Variants in UPP1 observed in about 807,000 individuals in gnomAD.
UPP1 encodes the protein UPase 1.
A neutral mutation model predicts 29.6 loss-of-function variants in UPP1; 25 were observed. The observed-to-expected ratio is 0.85, with a 90% CI of 0.62 to 1.18. UPP1 has a LOEUF of 1.18. Among genes scored for constraint, UPP1 ranks in the 50% most tolerant of loss-of-function variants. The probability of loss-of-function intolerance (pLI) is 0.00; values close to 1 mark genes in which losing one functional copy is unlikely to be tolerated. For missense variants in UPP1, 368 were observed against 410.4 expected (o/e 0.90, Z 0.89); for synonymous variants, 165 against 159.8 (o/e 1.03, Z -0.25).
chr7:48,107,422 G>A lies in UPP1; in HGVS notation c.708G>A (p.Leu236=), dbSNP rs369862382. Residue 236 remains leucine, a synonymous_variant, in exon 8 of 9, where the codon CTG becomes CTA. Coordinates refer to ENST00000395564, the MANE Select transcript of UPP1 (RefSeq NM_003364.4). ...SYTEKDKQAY[L]EAAYAAGVRN... ...CGGAGAAGGACAAGCAGGCGTATCT[G>A]GAGGCAGCCTATGCAGCCGGCGTCC... 1 of 1,614,214 alleles carries A rather than the reference G, an allele frequency of 6.2e-7. No individual in the cohort carries two copies. The highest frequency in any genetic ancestry group is 2.2e-5 in the East Asian group (1 of 44,878).
chr7:48,096,759 G>A (rs1330487346), intron 3 of UPP1, among the ~76,000 whole-genome samples: 1 of 152,170 alleles, frequency 6.6e-6, no homozygotes, highest in Non-Finnish European at 1.5e-5. Context: ...GAGTGCCGAG[G>A]TGTGATCTCA....
At chr7:48,093,266 G>C (rs1338205378) in intron 2 of UPP1, among the ~76,000 whole-genome samples, 1 of 152,140 alleles carries the variant, frequency 6.6e-6, no homozygotes, top group African/African-American at 2.4e-5. Flanking sequence ...ACTATATTAT[G>C]GTAATAATAA....
At chr7:48,094,256 GTT>G (rs1179977112) in intron 2 of UPP1, among the ~76,000 whole-genome samples, 1 of 151,892 alleles carries the variant, frequency 6.6e-6, no homozygotes, top group Non-Finnish European at 1.5e-5. Flanking sequence ...TTTTTGTTTT[GTT>G]TTGTTTTGTT....
At chr7:48,091,478 A>G (rs1429644395) in intron 2 of UPP1, among the ~76,000 whole-genome samples, 1 of 152,234 alleles carries the variant, frequency 6.6e-6, no homozygotes, top group African/African-American at 2.4e-5. Flanking sequence ...AGCGAAGAGC[A>G]TGGCTTTCTA....
Position 48,101,914 on chromosome 7 carries a change from T to C in UPP1, c.253T>C (p.Tyr85His). Residue 85 changes from tyrosine to histidine, a missense_variant, in exon 5 of 9, where the codon TAT becomes CAT. Coordinates refer to ENST00000395564, the MANE Select transcript of UPP1 (RefSeq NM_003364.4). The part of the protein sequence containing the change: ...ELGLDCPGRD[Y>H]PNICAGTDRY... ...GGGCCTTGACTGCCCAGGTAGAGAC[T>C]ATCCCAACATCTGTGCGGGAACTGA... 6.2e-7 allele frequency: 1 copy of C among 1,614,096 alleles called. No individual in the cohort carries two copies.
At chr7:48,102,719 C>G (rs561864421) in intron 5 of UPP1, among the ~76,000 whole-genome samples, 7 of 152,266 alleles carry the variant, frequency 4.6e-5, no homozygotes, top group Non-Finnish European at 8.8e-5. Flanking sequence ...GTGCTGAGTT[C>G]ATCCGGGGAG....
At chr7:48,090,629 C>A (rs1324781238) in intron 2 of UPP1, among the ~76,000 whole-genome samples, 1 of 152,298 alleles carries the variant, frequency 6.6e-6, no homozygotes, top group Non-Finnish European at 1.5e-5. Flanking sequence ...TTGTGACTTC[C>A]TTGAATAGAA....
intron 2 of UPP1, among the ~76,000 whole-genome samples, chr7:48,091,961 T>C (rs1791862601): frequency 6.6e-6 from 1 of 152,132 alleles, no homozygotes; most frequent in Non-Finnish European, 1.5e-5. Flanking sequence ...GGAAGTTCTG[T>C]CTTTGGCTTG....
intron 6 of UPP1, chr7:48,104,052 T>A: frequency 2.2e-6 from 1 of 457,552 alleles, no homozygotes; most frequent in Non-Finnish European, 3.5e-6. Context: ...ACCCCGTCTC[T>A]ACTAAAATAC....
chr7:48,089,001 T>C (rs1041278810), upstream of UPP1: 4 of 152,036 alleles, frequency 2.6e-5, no homozygotes, highest in Non-Finnish European at 5.9e-5. Flanking sequence ...ATTGCCCAGC[T>C]GCTCTGCAGA....
At chr7:48,093,056 C>T (rs1307306172) in intron 2 of UPP1, among the ~76,000 whole-genome samples, 1 of 152,056 alleles carries the variant, frequency 6.6e-6, no homozygotes, top group African/African-American at 2.4e-5. Flanking sequence ...AAAAAATCAA[C>T]AACACCACAC....
Position 48,093,048 on chromosome 7 carries a change from A to G in UPP1, c.-21-1715A>G, listed in dbSNP as rs138951103. Among the ~76,000 whole-genome samples the G allele has an allele frequency of 3.2e-3, 481 of 152,280 alleles. 4 individuals are homozygous for G. The highest frequency in any genetic ancestry group is 0.011 in the African/African-American group (443 of 41,558). ...AAGAATAAAGTGTTGAATTAAAAAA[A>G]AAATCAACAACACCACACCTTATTC... On this transcript the variant is annotated intron_variant, in intron 2 of 8. Transcript: ENST00000395564.
At chr7:48,104,174 C>T (rs1294657951) in intron 6 of UPP1, among the ~76,000 whole-genome samples, 2 of 152,022 alleles carry the variant, frequency 1.3e-5, no homozygotes, top group African/African-American at 2.4e-5. Flanking sequence ...GCCAACATCG[C>T]GCCACTGCAC....
chr7:48,108,219 G>A lies in UPP1; in HGVS notation c.795G>A (p.Ala265=), dbSNP rs746789989. Residue 265 remains alanine, a splice_region_variant and synonymous_variant, in exon 9 of 9, where the codon GCG becomes GCA. Transcript: ENST00000395564. Reference sequence around the variant, plus strand: ...TGATGTGGTCTTTGTCCTTTGCAGCGGCCGTGGTGTGTGTCACCCTCCTGA... The same window carrying A: ...TGATGTGGTCTTTGTCCTTTGCAGCAGCCGTGGTGTGTGTCACCCTCCTGA... ...AAMCSACGLQ[A]AVVCVTLLNR... 24 of 1,612,052 alleles carry A rather than the reference G, an allele frequency of 1.5e-5. 1 individual carries two copies. Among genetic ancestry groups the A allele is most frequent in the East Asian group, 4.5e-5 (2 of 44,854 alleles).
At position 48,107,203 on chromosome 7, in the gene UPP1, C is replaced by G. The variant is rs190836755; in HGVS notation, c.646+121C>G. On this transcript the variant is annotated intron_variant, in intron 7 of 8. Coordinates refer to ENST00000395564, the MANE Select transcript of UPP1 (RefSeq NM_003364.4). ...CCAGGCTGCTGTCTCAGTTACACTT[C>G]GCCCAGAGTGGTTATAATGACCCGT... 2.1e-6 allele frequency: 3 copies of G among 1,422,034 alleles called. No homozygotes were observed. In the East Asian group the frequency reaches 7.1e-5, roughly 34 times the overall value. 88.1% of individuals were successfully genotyped at this position (1,422,034 alleles called of 1,614,324 possible).
chr7:48,091,686 T>C (rs57314455), intron 2 of UPP1, among the ~76,000 whole-genome samples: 10,291 of 152,194 alleles, frequency 0.068, 373 homozygotes, highest in East Asian at 0.14. Context: ...AAATAGACCC[T>C]CCCTGAGTGC....
chr7:48,106,036 T>G (rs143083762), intron 6 of UPP1: 1 of 152,346 alleles, frequency 6.6e-6, no homozygotes, highest in East Asian at 1.9e-4. Flanking sequence ...TAATAATGCA[T>G]CAATCTGAGA....
At chr7:48,092,194 G>GT (rs1443449943) in intron 2 of UPP1, among the ~76,000 whole-genome samples, 1 of 152,132 alleles carries the variant, frequency 6.6e-6, no homozygotes, top group Non-Finnish European at 1.5e-5. Context: ...AGGGGAGGTT[G>GT]TAAGAGGGCA....
rs762478345 is a variant in UPP1, at chr7:48,108,293, A to G, written c.869A>G (p.Glu290Gly). The G allele has an allele frequency of 2.2e-5, 35 of 1,614,052 alleles. No homozygotes were observed. Among genetic ancestry groups the G allele is most frequent in the Non-Finnish European group, 2.8e-5 (33 of 1,180,048 alleles). Residue 290 changes from glutamate (E) to glycine (G), a missense_variant, in exon 9 of 9, where the codon GAG (glutamate) becomes GGG (glycine). Glu to Gly is a moderately conservative substitution (Grantham distance 98). Coordinates refer to ENST00000395564, the MANE Select transcript of UPP1 (RefSeq NM_003364.4). ...QISSPRNVLS[E>G]YQQRPQRLVS... is the part of the protein sequence containing the mutation. ...AGCAGCCCTCGCAATGTGCTCAGCG[A>G]GTACCAGCAGAGGCCGCAGCGGCTG...
Sources: allele counts gnomAD v4.1 joint callset (sites outside exome capture counted in the v4.1 genomes callset), GRCh38; gene constraint gnomAD v4.1.1; transcripts MANE v1.5; gene names NCBI Gene and HGNC (gene_info 2026-07-23, HGNC 2026-07-21).